Variants in PLA2G6 observed in about 807,000 individuals in gnomAD.
PLA2G6 encodes phospholipase A2 group VI, also known as 85/88 kDa calcium-independent phospholipase A2.
PLA2G6 carries 62 observed loss-of-function variants against 83.8 expected under a neutral mutation model. The observed-to-expected ratio is 0.74, with a 90% CI of 0.60 to 0.91. The LOEUF (loss-of-function observed/expected upper bound fraction) is 0.91. PLA2G6 is among the 40% of genes least tolerant of loss of function. The pLI is 0.00. For synonymous variants in PLA2G6, 417 were observed against 449.8 expected, an observed-to-expected ratio of 0.93 and a Z score of 0.92; for missense variants, 944 against 1,102.0, an observed-to-expected ratio of 0.86 and a Z score of 2.03.
chr22:38,173,422 G>A (rs2090511819), intron 1 of PLA2G6, among the ~76,000 whole-genome samples: 1 of 151,952 alleles, frequency 6.6e-6, no homozygotes, highest in African/African-American at 2.4e-5. Context: ...AACACCACAA[G>A]CAGAAAGACA....
chr22:38,145,428 C>T lies in PLA2G6; in HGVS notation c.425+10G>A. 1 of 1,597,632 alleles carries T rather than the reference C, an allele frequency of 6.3e-7. No individual in the cohort carries two copies. The highest frequency in any genetic ancestry group is 8.5e-7 in the Non-Finnish European group (1 of 1,172,330). ...ACACGTTGTCCAAATGGTCTTGTTC[C>T]CTTGCTCACCTGATGATACGGCTGT... On this transcript the variant is annotated intron_variant, in intron 3 of 16. Transcript: ENST00000332509.
In PLA2G6 at chr22:38,145,527, G is replaced by T. The variant is rs2089196174; in HGVS notation, c.336C>A (p.Asp112Glu). 2 of 1,613,524 alleles carry T rather than the reference G, an allele frequency of 1.2e-6. No individual in the cohort carries two copies. Among genetic ancestry groups the T allele is most frequent in the Non-Finnish European group, 1.7e-6 (2 of 1,179,880 alleles). The change falls in exon 3 of 17, where the codon GAC becomes GAA. Residue 112 changes from aspartate to glutamate, a missense_variant. By Grantham distance (45) the Asp-to-Glu change is conservative. Transcript: ENST00000332509. ...ACCAGCTGGGGTGGTTACGGATGAG[G>T]TCGGTCAGGTGCTGCAGGACCTCAG... Reference protein sequence around the residue: ...LHTEVLQHLTDLIRNHPSWSV... With the variant: ...LHTEVLQHLTELIRNHPSWSV...
chr22:38,116,773 C>T (rs776160365), intron 12 of PLA2G6, among the ~76,000 whole-genome samples: 2 of 144,884 alleles, frequency 1.4e-5, no homozygotes, highest in Non-Finnish European at 3.0e-5. Flanking sequence ...ATTGCTTGAA[C>T]CCAGGAGGCA....
chr22:38,134,764 A>G, intron 6 of PLA2G6: 1 of 562,504 alleles, frequency 1.8e-6, no homozygotes, highest in Non-Finnish European at 3.2e-6. Flanking sequence ...GAATTCATGG[A>G]TGAGGAAACT....
intron 12 of PLA2G6, among the ~76,000 whole-genome samples, chr22:38,120,030 A>G (rs564857533): frequency 5.3e-5 from 8 of 152,318 alleles, no homozygotes; most frequent in African/African-American, 1.9e-4. Flanking sequence ...AAGACCGCAG[A>G]GGGGATGCCG....
intron 14 of PLA2G6, 81 bp downstream of exon 14, chr22:38,115,446 G>T: frequency 1.5e-6 from 2 of 1,329,066 alleles, no homozygotes; most frequent in Non-Finnish European, 2.1e-6. Flanking sequence ...TGTCCTGGGG[G>T]TCGGTCCCTA....
intron 11 of PLA2G6, 74 bp from the exon 12 acceptor site, chr22:38,120,983 C>T (rs773784597): frequency 1.7e-5 from 27 of 1,559,138 alleles, no homozygotes; most frequent in Admixed American, 3.4e-5. Context: ...GCCTGCAGAG[C>T]GCCTGAACGC....
rs367854265 is a variant in PLA2G6, at chr22:38,133,007, G to T, written c.901C>A (p.Arg301Ser). 3 of 1,562,940 alleles carry T rather than the reference G, an allele frequency of 1.9e-6. No individual in the cohort carries two copies. The highest frequency in any genetic ancestry group is 2.6e-6 in the Non-Finnish European group (3 of 1,155,010). Residue 301 changes from arginine to serine, a missense_variant, in exon 7 of 17, where the codon CGC becomes AGC. Arg to Ser is a moderately radical substitution (Grantham distance 110). Coordinates refer to ENST00000332509, the MANE Select transcript of PLA2G6 (RefSeq NM_003560.4). ...LHWAKNAEMA[R>S]MLLKRGCNVN... ...TTGCAGCCCCGTTTCAGCAGCATGC[G>T]GGCCATCTGCGGGAGACGGTCAGGC...
intron 2 of PLA2G6, among the ~76,000 whole-genome samples, chr22:38,161,112 G>A (rs1209065186): frequency 6.6e-6 from 1 of 152,176 alleles, no homozygotes; most frequent in African/African-American, 2.4e-5. Flanking sequence ...GGAAAAAGTA[G>A]AGTCAAGAAA....
In PLA2G6 at chr22:38,128,451, G is replaced by C. The variant is rs371550933; in HGVS notation, c.1187-21C>G. ...GACAACTTGTCATGGTTTGGGGAAG[G>C]GGAGATGGCACAGGATCAGAAATGA... On this transcript the variant is annotated intron_variant, in intron 8 of 16. Transcript: ENST00000332509. The surrounding 1 kb of genome is among the most constrained non-coding windows in gnomAD (Gnocchi z 4.4). The C allele has an allele frequency of 6.2e-7, 1 of 1,613,480 alleles. No homozygotes were observed. The highest frequency in any genetic ancestry group is 8.5e-7 in the Non-Finnish European group (1 of 1,179,656).
chr22:38,148,132 C>T (rs138315151), intron 2 of PLA2G6: 165 of 237,948 alleles, frequency 6.9e-4, no homozygotes, highest in African/African-American at 3.5e-3. Flanking sequence ...ATTAGCATCA[C>T]GGAGGCATGC....
At position 38,169,457 on chromosome 22, in the gene PLA2G6, G is replaced by A. The variant is rs376270953; in HGVS notation, c.-31C>T. The A allele has an allele frequency of 1.8e-5, 29 of 1,575,616 alleles. No individual in the cohort carries two copies. The highest frequency in any genetic ancestry group is 2.7e-5 in the African/African-American group (2 of 74,170). On this transcript the variant is annotated 5_prime_UTR_variant, in exon 2 of 17. The change creates a new upstream start codon in the 5' untranslated region. Coordinates refer to ENST00000332509, the MANE Select transcript of PLA2G6 (RefSeq NM_003560.4). The stretch of plus-strand genomic sequence containing the variant: ...GCGGGGCAGGTGGGGAGGCCCCACC[G>A]TCTTCCCCCTCTGTCTGGAAGAAAA...
chr22:38,171,648 G>A (rs544515484), intron 1 of PLA2G6, among the ~76,000 whole-genome samples: 6 of 151,984 alleles, frequency 3.9e-5, no homozygotes, highest in South Asian at 4.2e-4. Flanking sequence ...GTGAAACTCC[G>A]TCTCTACTAA....
At chr22:38,160,800 G>A (rs970813533) in intron 2 of PLA2G6, among the ~76,000 whole-genome samples, 1 of 151,964 alleles carries the variant, frequency 6.6e-6, no homozygotes, top group Non-Finnish European at 1.5e-5. Context: ...AGCAGAGATT[G>A]CGCCACCGCA....
intron 1 of PLA2G6, among the ~76,000 whole-genome samples, chr22:38,179,069 G>A (rs1480016623): frequency 6.6e-6 from 1 of 152,212 alleles, no homozygotes; most frequent in Non-Finnish European, 1.5e-5. Flanking sequence ...TTTTAGATTG[G>A]GTGAGGAGAG....
At chr22:38,164,753 G>A (rs2090151755) in intron 2 of PLA2G6, among the ~76,000 whole-genome samples, 2 of 152,220 alleles carry the variant, frequency 1.3e-5, no homozygotes, top group African/African-American at 2.4e-5. Flanking sequence ...ACTCTAACAC[G>A]CGTCAAGTAC....
At chr22:38,170,452 C>A (rs2090396146) in intron 1 of PLA2G6, among the ~76,000 whole-genome samples, 1 of 151,872 alleles carries the variant, frequency 6.6e-6, no homozygotes, top group African/African-American at 2.4e-5. Flanking sequence ...GTGGGGGAGC[C>A]CCTGCAGAAG....
At chr22:38,178,979 C>G (rs1468205741) in intron 1 of PLA2G6, among the ~76,000 whole-genome samples, 3 of 152,066 alleles carry the variant, frequency 2.0e-5, no homozygotes, top group Non-Finnish European at 4.4e-5. Context: ...TAAATATTTA[C>G]AAAGGTTTTA....
chr22:38,113,403 A>G (rs1191430775), intron 15 of PLA2G6, 84 bp downstream of exon 15: 2 of 1,338,940 alleles, frequency 1.5e-6, no homozygotes, highest in Non-Finnish European at 2.1e-6. Context: ...CTCCAACACC[A>G]AAGGCCCCAC....
Sources: allele counts gnomAD v4.1 joint callset (sites outside exome capture counted in the v4.1 genomes callset), GRCh38; gene constraint gnomAD v4.1.1; non-coding constraint Gnocchi (gnomAD v3.1); transcripts MANE v1.5; gene names NCBI Gene and HGNC (gene_info 2026-07-23, HGNC 2026-07-21).